Variants in PCDHGB1 observed in about 807,000 individuals in gnomAD.
The protein encoded by PCDHGB1 is protocadherin gamma subfamily B, 1, also known as protocadherin gamma-B1.
A neutral mutation model predicts 56.6 loss-of-function variants in PCDHGB1; 34 were observed. That is an observed-to-expected ratio of 0.60 (90% CI 0.46 to 0.80). The LOEUF is 0.80. Ranked by LOEUF, PCDHGB1 falls within the 30% of genes least tolerant of loss-of-function variation. PCDHGB1 has a pLI of 0.00. For synonymous variants in PCDHGB1, 561 were observed against 505.9 expected (o/e 1.11, Z -1.46); for missense variants, 1,278 against 1,204.6 (o/e 1.06, Z -0.90).
Position 141,481,350 on chromosome 5 carries a change from T to C in PCDHGB1, c.2410-13457T>C, listed in dbSNP as rs901892475. Among the ~76,000 whole-genome samples, 4 of 152,248 alleles carry C rather than the reference T, an allele frequency of 2.6e-5. No homozygotes were observed. The South Asian group carries it at 8.3e-4, about 32-fold the overall frequency. On this transcript the variant is annotated intron_variant, in intron 1 of 3. Coordinates refer to ENST00000523390, the MANE Select transcript of PCDHGB1 (RefSeq NM_018922.3). The stretch of plus-strand genomic sequence containing the variant: ...CCTGGACAACTATTATTTAAACATC[T>C]ACAGCTGTTCAATAGATATTGGGTT...
At position 141,427,625 on chromosome 5, in the gene PCDHGB1, T is replaced by G. The variant is rs150347956; in HGVS notation, c.2410-67182T>G. On this transcript the variant is annotated intron_variant, in intron 1 of 3. Coordinates refer to ENST00000523390, the MANE Select transcript of PCDHGB1 (RefSeq NM_018922.3). Reference sequence around the variant, plus strand: ...GCATTGGTGAAGTCAACGACAATGCTCCGGTTTTCCACCAAGTCTCCTACG... The same window carrying G: ...GCATTGGTGAAGTCAACGACAATGCGCCGGTTTTCCACCAAGTCTCCTACG... The G allele has an allele frequency of 2.7e-3, 1,907 of 699,068 alleles. 5 individuals are homozygous for G. The highest frequency in any genetic ancestry group is 4.1e-3 in the Non-Finnish European group (1,558 of 384,098). The allele number at this position is 699,068 out of a possible 1,614,324, so 43.3% of individuals were successfully genotyped here.
At chr5:141,423,067 G>C (rs757110751) in intron 1 of PCDHGB1, 36 of 1,614,024 alleles carry the variant, frequency 2.2e-5, no homozygotes, top group Non-Finnish European at 2.9e-5. Context: ...TAAGGCCAGC[G>C]AGCCGGGACT....
At chr5:141,467,537 A>G (rs2154569542) in intron 1 of PCDHGB1, among the ~76,000 whole-genome samples, 1 of 152,192 alleles carries the variant, frequency 6.6e-6, no homozygotes, top group Non-Finnish European at 1.5e-5. Context: ...TGAGATATGG[A>G]TCTGATTATA....
chr5:141,419,539 G>A, intron 1 of PCDHGB1: 3 of 1,612,058 alleles, frequency 1.9e-6, no homozygotes, highest in Non-Finnish European at 2.5e-6. Flanking sequence ...ACAACGCACC[G>A]CGGGTGCTGT....
intron 2 of PCDHGB1, 142 bp downstream of exon 2, chr5:141,495,007 G>C (rs2099758216): frequency 2.0e-6 from 3 of 1,522,276 alleles, no homozygotes; most frequent in Non-Finnish European, 8.8e-7. Flanking sequence ...TTGGTGTGCG[G>C]GGGGCTGGCA....
intron 1 of PCDHGB1, chr5:141,379,317 C>T (rs914765409): frequency 1.3e-5 from 2 of 152,162 alleles, no homozygotes; most frequent in East Asian, 1.9e-4. Context: ...AACAAGAGAT[C>T]TAATCATACA....
intron 1 of PCDHGB1, chr5:141,413,189 G>T: frequency 1.2e-6 from 2 of 1,606,972 alleles, no homozygotes; most frequent in Middle Eastern, 1.7e-4. Flanking sequence ...GCCGCTCAAA[G>T]GAATCGCTCA....
At chr5:141,460,848 C>A (rs528601988) in intron 1 of PCDHGB1, among the ~76,000 whole-genome samples, 1 of 150,236 alleles carries the variant, frequency 6.7e-6, no homozygotes, top group African/African-American at 2.4e-5. Context: ...GCCTCCAGTT[C>A]GATCCAAGTT....
intron 1 of PCDHGB1, chr5:141,376,375 T>G (rs896572311): frequency 8.7e-6 from 14 of 1,614,090 alleles, no homozygotes; most frequent in African/African-American, 2.7e-5. Flanking sequence ...CAGACTCGCG[T>G]AAGAGTCATC....
At chr5:141,363,604 C>A (rs907704240) in intron 1 of PCDHGB1, among the ~76,000 whole-genome samples, 2 of 152,196 alleles carry the variant, frequency 1.3e-5, no homozygotes, top group Non-Finnish European at 2.9e-5. Context: ...CAAACGCTGT[C>A]TGAGATAGTG....
At chr5:141,481,838 T>G (rs1297962011) in intron 1 of PCDHGB1, among the ~76,000 whole-genome samples, 2 of 150,868 alleles carry the variant, frequency 1.3e-5, no homozygotes, top group African/African-American at 4.9e-5. Flanking sequence ...GGAGAATCGC[T>G]TGATGGTGGA....
chr5:141,499,401 C>A lies in PCDHGB1; in HGVS notation c.2468+4536C>A, dbSNP rs115575614. ...TTCCACTTATAAAATAGTACATGCTCATTATAGAAACATGAAAAATAGAAA... is the reference window on the plus strand; with the variant it reads ...TTCCACTTATAAAATAGTACATGCTAATTATAGAAACATGAAAAATAGAAA... On this transcript the variant is annotated intron_variant, in intron 2 of 3. Coordinates refer to ENST00000523390, the MANE Select transcript of PCDHGB1 (RefSeq NM_018922.3). Among the ~76,000 whole-genome samples, 871 of 152,186 alleles carry A rather than the reference C, an allele frequency of 5.7e-3. 5 individuals are homozygous for A. Among genetic ancestry groups the A allele is most frequent in the African/African-American group, 0.02 (847 of 41,502 alleles).
At chr5:141,366,632 C>G (rs1232919866) in intron 1 of PCDHGB1, 1 of 1,614,252 alleles carries the variant, frequency 6.2e-7, no homozygotes. Context: ...GAAGAGTCAC[C>G]TGATCTTTCC....
intron 1 of PCDHGB1, chr5:141,371,956 A>G (rs1410520873): frequency 6.2e-7 from 1 of 1,613,272 alleles, no homozygotes; most frequent in South Asian, 1.1e-5. Context: ...CGAGCCTTCG[A>G]CCACGAGCAG....
In PCDHGB1 at chr5:141,413,613, TA is replaced by T. The variant is rs2095659138; in HGVS notation, c.2409+60946del. The T allele has an allele frequency of 4.3e-6, 7 of 1,613,714 alleles. No individual in the cohort carries two copies. The East Asian group carries it at 1.6e-4, about 36-fold the overall frequency. On this transcript the variant is annotated intron_variant, in intron 1 of 3. Transcript: ENST00000523390. Reference sequence around the variant, plus strand: ...AAGCAGAAAATCTAGACGTAAAAATTAATGAAAATGTCGCTGCGGGAATGCG... The same window carrying T: ...AAGCAGAAAATCTAGACGTAAAAATTATGAAAATGTCGCTGCGGGAATGCG...
intron 1 of PCDHGB1, among the ~76,000 whole-genome samples, chr5:141,439,224 T>C (rs989512996): frequency 2.2e-4 from 33 of 152,030 alleles, no homozygotes; most frequent in Middle Eastern, 3.4e-3. Context: ...TGAAAATTCT[T>C]AGAAGCTTCC....
intron 1 of PCDHGB1, 96 bp from the exon 2 acceptor site, chr5:141,494,711 A>T (rs757105958): frequency 6.3e-7 from 1 of 1,599,616 alleles, no homozygotes; most frequent in Non-Finnish European, 8.5e-7. Context: ...CTCTGTGCCC[A>T]CTCCCCTCCT....
Position 141,476,024 on chromosome 5 carries a change from C to T in PCDHGB1, c.2410-18783C>T. ...ATCCAGAAAGCCATGTCGGACTCGG[C>T]GCCCAGCGCCCAAGCGCTAACCCGC... On this transcript the variant is annotated intron_variant, in intron 1 of 3. Coordinates refer to ENST00000523390, the MANE Select transcript of PCDHGB1 (RefSeq NM_018922.3). The surrounding 1 kb of genome is among the most constrained non-coding windows in gnomAD (Gnocchi z 7.6). The T allele has an allele frequency of 1.4e-6, 2 of 1,416,548 alleles. No individual in the cohort carries two copies. Among genetic ancestry groups the T allele is most frequent in the Non-Finnish European group, 9.5e-7 (1 of 1,058,066 alleles). 87.7% of individuals were successfully genotyped at this position (1,416,548 alleles called of 1,614,324 possible).
At chr5:141,404,022 G>C (rs2094476462) in intron 1 of PCDHGB1, 1 of 1,613,754 alleles carries the variant, frequency 6.2e-7, no homozygotes, top group Admixed American at 1.7e-5. Context: ...AGCCCAGTGA[G>C]AGAAGACGCA....
Sources: gnomAD v4.1 joint callset for allele counts (sites outside exome capture counted in the v4.1 genomes callset) on GRCh38, gnomAD v4.1.1 for gene constraint, Gnocchi (gnomAD v3.1) non-coding constraint, MANE v1.5 for transcripts, NCBI Gene and HGNC (gene_info 2026-07-23, HGNC 2026-07-21) for gene names.